The following DENND4A variants were observed in gnomAD, a reference collection of about 807,000 sequenced individuals.
DENND4A encodes the protein C-myc promoter-binding protein.
Under a neutral mutation model 199.3 loss-of-function variants are expected in DENND4A, and 70 were observed. That is an observed-to-expected ratio of 0.35 (90% CI 0.29 to 0.43). The LOEUF (loss-of-function observed/expected upper bound fraction) is 0.43, where lower values mean the gene tolerates loss of function less well. DENND4A is among the 20% of genes least tolerant of loss of function. The pLI is 1.00. For synonymous variants in DENND4A, 686 were observed against 766.9 expected (o/e 0.89, Z 1.74); for missense variants, 1,723 against 2,255.8 (o/e 0.76, Z 4.78).
chr15:65,746,369 CTTTTTTTTTTTTTTTTTTT>C (rs573935476), intron 4 of DENND4A, among the ~76,000 whole-genome samples: 10 of 51,268 alleles, frequency 2.0e-4, no homozygotes, highest in South Asian at 1.9e-3. Context: ...ACTTTTTTCT[CTTTTTTTTTTTTTTTTTTT>C]TTTTTTTTTT....
intron 3 of DENND4A, among the ~76,000 whole-genome samples, chr15:65,754,755 A>G (rs945765602): frequency 6.6e-6 from 1 of 152,240 alleles, no homozygotes; most frequent in African/African-American, 2.4e-5. Flanking sequence ...AATCAAAATA[A>G]TATGAAATGC....
chr15:65,669,261 T>C (rs1171765289), intron 27 of DENND4A, among the ~76,000 whole-genome samples: 1 of 152,244 alleles, frequency 6.6e-6, no homozygotes, highest in Admixed American at 6.5e-5. Context: ...ATATGGCTTA[T>C]TTGGCACTTC....
chr15:65,690,370 T>C (rs1312500460), intron 23 of DENND4A, 45 bp downstream of exon 23: 1 of 1,506,888 alleles, frequency 6.6e-7, no homozygotes, highest in Non-Finnish European at 8.8e-7. Flanking sequence ...TGGTGATGGA[T>C]ATGTGTGTGT....
At chr15:65,771,948 TTCA>T in intron 1 of DENND4A, 1 of 1,590,552 alleles carries the variant, frequency 6.3e-7, no homozygotes, top group Non-Finnish European at 8.6e-7. Context: ...TTTTCAAATC[TTCA>T]TCACCACTAT....
chr15:65,676,348 A>G, intron 24 of DENND4A, 97 bp downstream of exon 24: 1 of 1,095,758 alleles, frequency 9.1e-7, no homozygotes, highest in Non-Finnish European at 1.2e-6. Flanking sequence ...TTACAAAATT[A>G]AAAAACAACA....
intron 4 of DENND4A, among the ~76,000 whole-genome samples, chr15:65,745,560 T>C (rs766317796): frequency 3.4e-4 from 52 of 152,144 alleles, no homozygotes; most frequent in Non-Finnish European, 5.9e-4. Context: ...AAGCAGATAT[T>C]ATGAATATAG....
chr15:65,688,028 A>G (rs899635732), intron 23 of DENND4A, among the ~76,000 whole-genome samples: 8 of 152,088 alleles, frequency 5.3e-5, no homozygotes, highest in African/African-American at 1.4e-4. Context: ...CCAGTTATCC[A>G]TATTTCATTT....
intron 27 of DENND4A, 83 bp from the exon 28 acceptor site, chr15:65,668,206 CTCTCTT>C: frequency 7.0e-6 from 7 of 1,003,144 alleles, no homozygotes; most frequent in East Asian, 2.8e-5. Context: ...CTCTCTCTCT[CTCTCTT>C]TTTTTTTTTT....
In DENND4A at chr15:65,669,864, G is replaced by A; in HGVS notation, c.4702C>T (p.Gln1568Ter). The change falls in exon 27 of 33, where the codon CAG becomes TAG. Residue 1568 changes from glutamine (Q) to a stop codon, truncating the protein, a stop_gained. Transcript: ENST00000443035. LOFTEE classifies it high-confidence loss of function. ...NMHFPSSISS[Q>*]TRQSCISTSA... is the part of the protein sequence containing the mutation. Reference sequence around the variant, plus strand: ...GTTGAAATGCAAGACTGCCTCGTCTGACTTGAAATGGAGGATGGAAAGTGC... The same window carrying A: ...GTTGAAATGCAAGACTGCCTCGTCTAACTTGAAATGGAGGATGGAAAGTGC... 6.2e-7 allele frequency: 1 copy of A among 1,613,892 alleles called. No individual in the cohort carries two copies. The highest frequency in any genetic ancestry group is 8.5e-7 in the Non-Finnish European group (1 of 1,179,798).
chr15:65,679,371 G>T (rs981474768), intron 23 of DENND4A, among the ~76,000 whole-genome samples: 3 of 152,138 alleles, frequency 2.0e-5, no homozygotes, highest in Non-Finnish European at 4.4e-5. Flanking sequence ...AAAGTGCTGG[G>T]ATTACAGGTG....
chr15:65,727,786 G>A (rs2075846720), intron 11 of DENND4A: 2 of 377,512 alleles, frequency 5.3e-6, no homozygotes, highest in South Asian at 4.1e-5. Context: ...GATTAAGTAT[G>A]ATTAAATTTA....
At chr15:65,742,613 G>A (rs964032511) in intron 4 of DENND4A, among the ~76,000 whole-genome samples, 3 of 152,156 alleles carry the variant, frequency 2.0e-5, no homozygotes, top group Non-Finnish European at 4.4e-5. Context: ...TTTTAGTAGA[G>A]ATGGGGTTTC....
chr15:65,740,629 T>C (rs1157704590), intron 5 of DENND4A, among the ~76,000 whole-genome samples: 3 of 144,968 alleles, frequency 2.1e-5, no homozygotes, highest in East Asian at 4.0e-4. Context: ...ACCTTGTCTT[T>C]AAAAGAAAAA....
intron 1 of DENND4A, among the ~76,000 whole-genome samples, chr15:65,774,171 C>T (rs2077215394): frequency 6.6e-6 from 1 of 151,794 alleles, no homozygotes. Context: ...GCTTGGCCAA[C>T]ATGGTGAAAC....
At chr15:65,673,856 G>C (rs138615275) in intron 24 of DENND4A, among the ~76,000 whole-genome samples, 178 of 152,230 alleles carry the variant, frequency 1.2e-3, no homozygotes, top group African/African-American at 4.1e-3. Context: ...TTAGCCTTGA[G>C]TATCATTTAT....
chr15:65,734,026 C>T (rs1025193960), intron 7 of DENND4A, among the ~76,000 whole-genome samples: 1 of 152,172 alleles, frequency 6.6e-6, no homozygotes, highest in Non-Finnish European at 1.5e-5. Context: ...TGAAATATGG[C>T]CTCGTGGGAA....
chr15:65,676,487 C>A lies in DENND4A; in HGVS notation c.4327G>T (p.Asp1443Tyr). 1.2e-6 allele frequency: 2 copies of A among 1,611,928 alleles called. No individual in the cohort carries two copies. Among genetic ancestry groups the A allele is most frequent in the Non-Finnish European group, 1.7e-6 (2 of 1,178,822 alleles). Residue 1443 changes from aspartate to tyrosine, a missense_variant, in exon 24 of 33, where the codon GAT becomes TAT. Around this residue, in one of 6 missense-constraint regions of DENND4A, gnomAD observed 650 missense variants for 738.1 expected, o/e 0.88. Transcript: ENST00000443035. The stretch of plus-strand genomic sequence containing the variant: ...CTTTCCAGGCTTATTCGGCTGAGAT[C>A]AATTCTCTTAGTCCCTGAAGTAGCA... ...TSATSGTKRIDLSRISLESSA... is the reference protein window; with the variant it reads ...TSATSGTKRIYLSRISLESSA...
At chr15:65,673,491 TAA>T (rs532673297) in intron 24 of DENND4A, among the ~76,000 whole-genome samples, 1 of 137,722 alleles carries the variant, frequency 7.3e-6, no homozygotes, top group African/African-American at 2.7e-5. Flanking sequence ...AAACAAAGGT[TAA>T]AAAAAAAAAA....
chr15:65,685,974 T>C (rs999830779), intron 23 of DENND4A, among the ~76,000 whole-genome samples: 4 of 152,218 alleles, frequency 2.6e-5, no homozygotes. Context: ...CCTCCAACTT[T>C]TTCTTTTTCC....
Sources: allele counts gnomAD v4.1 joint callset (sites outside exome capture counted in the v4.1 genomes callset), GRCh38; gene constraint gnomAD v4.1.1; regional missense constraint gnomAD v4.1.1; transcripts MANE v1.5; gene names NCBI Gene and HGNC (gene_info 2026-07-23, HGNC 2026-07-21).